Variants in GLDC observed in about 807,000 individuals in gnomAD.
GLDC encodes glycine decarboxylase.
Under a neutral mutation model 121.3 loss-of-function variants are expected in GLDC, and 104 were observed. The observed-to-expected ratio is 0.86, with a 90% confidence interval of 0.73 to 1.01. GLDC has a LOEUF of 1.01. Among genes scored for constraint, GLDC ranks in the 50% least tolerant of loss-of-function variants. GLDC has a pLI of 0.00. For synonymous variants in GLDC, 546 were observed against 480.6 expected, an observed-to-expected ratio of 1.14 and a Z score of -1.78; for missense variants, 1,429 against 1,306.6, an observed-to-expected ratio of 1.09 and a Z score of -1.44.
chr9:6,606,322 A>G (rs1410448613), intron 5 of GLDC, among the ~76,000 whole-genome samples: 1 of 149,826 alleles, frequency 6.7e-6, no homozygotes, highest in Admixed American at 6.8e-5. Flanking sequence ...AAAAAAAAAA[A>G]AAAAAAAGAA....
In GLDC at chr9:6,558,693, T is replaced by C. The variant is rs41281773; in HGVS notation, c.1927-9A>G. 2.9e-3 allele frequency: 4,709 copies of C among 1,613,996 alleles called. 8 individuals are homozygous for C. Among genetic ancestry groups the C allele is most frequent in the Non-Finnish European group, 3.7e-3 (4,349 of 1,179,964 alleles). On this transcript the variant is annotated splice_polypyrimidine_tract_variant and intron_variant, in intron 16 of 24. Coordinates refer to ENST00000321612, the MANE Select transcript of GLDC (RefSeq NM_000170.3). ...TTCGGAATGAGGCAAACCTACAGAA[T>C]AGAAAGGAAGCAAAGAAAGAGCAAA...
chr9:6,581,271 T>A (rs189728602), intron 15 of GLDC, among the ~76,000 whole-genome samples: 110 of 152,342 alleles, frequency 7.2e-4, no homozygotes, highest in African/African-American at 2.6e-3. Context: ...CCAGTCTCCC[T>A]CAGTGCCCCC....
chr9:6,629,106 C>G (rs1295146069), intron 2 of GLDC, among the ~76,000 whole-genome samples: 2 of 151,774 alleles, frequency 1.3e-5, no homozygotes, highest in African/African-American at 4.8e-5. Flanking sequence ...ACATAAGAGC[C>G]CTTCTATAGC....
At chr9:6,635,484 G>A (rs1025549891) in intron 2 of GLDC, among the ~76,000 whole-genome samples, 2 of 152,144 alleles carry the variant, frequency 1.3e-5, no homozygotes, top group African/African-American at 4.8e-5. Flanking sequence ...ATTTCAGTTT[G>A]ATAGCACTGA....
intron 14 of GLDC, 77 bp from the exon 15 acceptor site, chr9:6,587,360 G>A (rs566280208): frequency 1.2e-5 from 13 of 1,121,892 alleles, no homozygotes; most frequent in African/African-American, 4.7e-5. Context: ...TAATAATGAC[G>A]ATGATGAGAA....
chr9:6,596,915 C>G (rs1818503529), intron 8 of GLDC, among the ~76,000 whole-genome samples: 1 of 152,204 alleles, frequency 6.6e-6, no homozygotes, highest in Non-Finnish European at 1.5e-5. Flanking sequence ...GAAAACATTA[C>G]ATCCATACAA....
rs1587908683 is a variant in GLDC at position 6,534,726 on chromosome 9, C to G, written c.2901G>C (p.Glu967Asp). The G allele has an allele frequency of 1.3e-6, 2 of 1,599,654 alleles. No individual in the cohort carries two copies. Among genetic ancestry groups the G allele is most frequent in the Non-Finnish European group, 1.7e-6 (2 of 1,166,934 alleles). ...AACTTACGAGTGGGAATGCTGCCACCTCTCTGGAATAAGGCCGGTCCCAGT... is the reference window on the plus strand; with the variant it reads ...AACTTACGAGTGGGAATGCTGCCACGTCTCTGGAATAAGGCCGGTCCCAGT... Reference protein sequence around the residue: ...SSHWDRPYSREVAAFPLPFVK... With the variant: ...SSHWDRPYSRDVAAFPLPFVK... Residue 967 changes from glutamate (E) to aspartate (D), a missense_variant, in exon 24 of 25, where the codon GAG (glutamate) becomes GAC (aspartate). Coordinates refer to ENST00000321612, the MANE Select transcript of GLDC (RefSeq NM_000170.3).
chr9:6,556,690 G>T (rs940522136), intron 17 of GLDC, among the ~76,000 whole-genome samples: 1 of 152,048 alleles, frequency 6.6e-6, no homozygotes, highest in African/African-American at 2.4e-5. Context: ...CTACTTAGGA[G>T]GCTGAGGCAG....
chr9:6,601,230 A>G (rs550905210), intron 8 of GLDC, among the ~76,000 whole-genome samples: 3 of 152,248 alleles, frequency 2.0e-5, no homozygotes, highest in African/African-American at 2.4e-5. Context: ...CCTCATGACT[A>G]CCACCATCCC....
chr9:6,560,915 T>C (rs747720319), intron 16 of GLDC, among the ~76,000 whole-genome samples: 7 of 152,124 alleles, frequency 4.6e-5, no homozygotes, highest in Non-Finnish European at 1.0e-4. Context: ...AGTGTCCTCA[T>C]CAGAGGGAAG....
In GLDC at chr9:6,565,409, G is replaced by C. The variant is rs779980470; in HGVS notation, c.1871C>G (p.Ala624Gly). The change falls in exon 16 of 25, where the codon GCT (alanine) becomes GGT (glycine). Residue 624 changes from alanine to glycine, a missense_variant. Transcript: ENST00000321612. ...QPNSGAQGEY[A>G]GLATIRAYLN... ...GTAGGCTCGGATAGTGGCCAGTCCA[G>C]CATATTCTCCCTGGGCTCCGCTTGC... The C allele has an allele frequency of 2.5e-6, 4 of 1,613,442 alleles. No individual in the cohort carries two copies. In the Admixed American group the frequency reaches 6.7e-5, roughly 27 times the overall value.
Position 6,588,629 on chromosome 9 carries a change from T to G in GLDC, c.1654A>C (p.Met552Leu), listed in dbSNP as rs386833529. ...ENKDISLVHS[M>L]IPLGSCTMKL... ...CCACAAATAACTACCAGTGGAATCA[T>G]GCTGTGAACAAGGGAAATGTCTTTA... The change falls in exon 13 of 25, where the codon ATG (methionine) becomes CTG (leucine). Residue 552 changes from methionine to leucine, a missense_variant. Physicochemically the swap from Met to Leu is conservative, Grantham distance 15 (BLOSUM62 2). Transcript: ENST00000321612. 1.9e-6 allele frequency: 3 copies of G among 1,609,332 alleles called. No individual in the cohort carries two copies. The highest frequency in any genetic ancestry group is 2.6e-6 in the Non-Finnish European group (3 of 1,175,652).
chr9:6,644,686 C>T lies in GLDC; in HGVS notation c.262G>A (p.Asp88Asn), dbSNP rs770826242. ...MLQTLGLASI[D>N]ELIEKTVPAN... is the part of the protein sequence containing the mutation. ...GGGACCGTCTTCTCGATCAATTCAT[C>T]AATGCTCTAAAATTAAAACGCAAGG... Residue 88 changes from aspartate (D) to asparagine (N), a missense_variant, in exon 2 of 25, where the codon GAT (aspartate) becomes AAT (asparagine). Coordinates refer to ENST00000321612, the MANE Select transcript of GLDC (RefSeq NM_000170.3). 42 of 1,611,024 alleles carry T rather than the reference C, an allele frequency of 2.6e-5. No homozygotes were observed. The Admixed American group carries it at 6.5e-4, about 25-fold the overall frequency.
chr9:6,574,920 G>C (rs928300802), intron 15 of GLDC, among the ~76,000 whole-genome samples: 2 of 152,106 alleles, frequency 1.3e-5, no homozygotes, highest in African/African-American at 2.4e-5. Context: ...TAAATTATTT[G>C]TGATATGCAT....
At chr9:6,625,657 T>A (rs1819219893) in intron 2 of GLDC, among the ~76,000 whole-genome samples, 1 of 152,224 alleles carries the variant, frequency 6.6e-6, no homozygotes, top group African/African-American at 2.4e-5. Flanking sequence ...TCCCGCTGCA[T>A]ATAGAGGTGC....
chr9:6,622,868 G>C (rs904011068), intron 2 of GLDC: 3 of 210,812 alleles, frequency 1.4e-5, no homozygotes, highest in African/African-American at 7.3e-5. Context: ...CATCGTCTGA[G>C]ATGTGGGGAG....
intron 15 of GLDC, among the ~76,000 whole-genome samples, chr9:6,582,195 A>G (rs1040217215): frequency 9.2e-5 from 12 of 130,662 alleles, no homozygotes; most frequent in Admixed American, 8.8e-5. Context: ...AACTTGGGCG[A>G]CAGAGCAAGA....
chr9:6,639,431 G>A, intron 2 of GLDC: 1 of 906,376 alleles, frequency 1.1e-6, no homozygotes, highest in Non-Finnish European at 1.8e-6. Context: ...ACACACTTGT[G>A]TTCATTGTGG....
At chr9:6,602,911 A>T (rs1027663704) in intron 7 of GLDC, among the ~76,000 whole-genome samples, 8 of 152,164 alleles carry the variant, frequency 5.3e-5, no homozygotes, top group Admixed American at 1.3e-4. Context: ...AAAATAAAAA[A>T]TAATACAACA....
Sources: allele counts gnomAD v4.1 joint callset (sites outside exome capture counted in the v4.1 genomes callset), GRCh38; gene constraint gnomAD v4.1.1; transcripts MANE v1.5; gene names NCBI Gene and HGNC (gene_info 2026-07-23, HGNC 2026-07-21).